Variants in CEP112 observed in about 807,000 individuals in gnomAD.
CEP112 encodes the protein centrosomal protein 112, also known as centrosomal protein of 112 kDa.
A neutral mutation model predicts 153.0 loss-of-function variants in CEP112; 127 were observed. The observed-to-expected ratio is 0.83, with a 90% CI of 0.72 to 0.96. The LOEUF (loss-of-function observed/expected upper bound fraction) is 0.96, where lower values mean the gene tolerates loss of function less well. CEP112 is among the 40% of genes least tolerant of loss of function. The pLI, the probability that CEP112 is intolerant of heterozygous loss-of-function variation, is 0.00. For missense variants in CEP112, 1,089 were observed against 1,101.2 expected, an observed-to-expected ratio of 0.99 and a Z score of 0.16; for synonymous variants, 358 against 374.4, an observed-to-expected ratio of 0.96 and a Z score of 0.51.
intron 24 of CEP112, among the ~76,000 whole-genome samples, chr17:65,648,224 G>A (rs1335761543): frequency 6.6e-6 from 1 of 151,940 alleles, no homozygotes; most frequent in Non-Finnish European, 1.5e-5. Context: ...CAAAGAGAGG[G>A]GCTTCCCTCT....
At chr17:66,158,834 C>G (rs917038104) in intron 4 of CEP112, among the ~76,000 whole-genome samples, 14 of 151,892 alleles carry the variant, frequency 9.2e-5, no homozygotes, top group Non-Finnish European at 1.5e-4. Context: ...TAGCAGAAGA[C>G]AAGAAATAAC....
intron 20 of CEP112, among the ~76,000 whole-genome samples, chr17:65,857,079 T>C (rs914751188): frequency 6.6e-6 from 1 of 152,216 alleles, no homozygotes; most frequent in African/African-American, 2.4e-5. Context: ...GGTTTCCCAG[T>C]GCATATAAAA....
At chr17:65,839,933 A>C (rs777816485) in intron 21 of CEP112, among the ~76,000 whole-genome samples, 1 of 152,076 alleles carries the variant, frequency 6.6e-6, no homozygotes, top group African/African-American at 2.4e-5. Context: ...CAGCGATAAA[A>C]AAAATCTAGG....
chr17:66,105,156 G>A (rs190254667), intron 6 of CEP112, among the ~76,000 whole-genome samples: 12 of 152,174 alleles, frequency 7.9e-5, no homozygotes, highest in African/African-American at 2.9e-4. Context: ...AAGCTGAAGT[G>A]TAGAGTTTTT....
At chr17:66,141,696 T>C (rs1260946099) in intron 4 of CEP112, among the ~76,000 whole-genome samples, 1 of 152,184 alleles carries the variant, frequency 6.6e-6, no homozygotes, top group Non-Finnish European at 1.5e-5. Context: ...TCATCTATCT[T>C]GTCACATATG....
In CEP112 at chr17:65,754,144, G is replaced by A. The variant is rs188660705; in HGVS notation, c.2395-3420C>T. Among the ~76,000 whole-genome samples, 32 of 152,260 alleles carry A rather than the reference G, an allele frequency of 2.1e-4. 1 individual carries two copies. The highest frequency in any genetic ancestry group is 7.7e-4 in the African/African-American group (32 of 41,542). ...GAGAGAGGAAGTGATAAAAGTTAGG[G>A]GGTACTTTATAATTTTAAAAATACT... is the stretch of plus-strand genomic sequence containing the variant. On this transcript the variant is annotated intron_variant, in intron 21 of 26. Transcript: ENST00000535342.
At chr17:65,832,286 T>TA (rs1448858528) in intron 21 of CEP112, among the ~76,000 whole-genome samples, 5 of 151,822 alleles carry the variant, frequency 3.3e-5, no homozygotes, top group African/African-American at 1.2e-4. Flanking sequence ...CTGAAAGACT[T>TA]AGAGAAGCAA....
chr17:66,040,720 T>A (rs890218810), intron 12 of CEP112, among the ~76,000 whole-genome samples: 6 of 152,146 alleles, frequency 3.9e-5, no homozygotes, highest in Non-Finnish European at 8.8e-5. Context: ...AAACTGCTGG[T>A]CTCAGGTGAT....
intron 9 of CEP112, 103 bp from the exon 10 acceptor site, chr17:66,066,980 T>A: frequency 1.5e-6 from 1 of 663,956 alleles, no homozygotes; most frequent in Non-Finnish European, 2.2e-6. Flanking sequence ...ATAGAAAAAG[T>A]GATTTTAACA....
At chr17:66,141,864 G>C (rs956869123) in intron 4 of CEP112, among the ~76,000 whole-genome samples, 13 of 152,116 alleles carry the variant, frequency 8.5e-5, no homozygotes, top group African/African-American at 3.1e-4. Flanking sequence ...ACAGCTTTTT[G>C]AGATCCTGAT....
intron 21 of CEP112, among the ~76,000 whole-genome samples, chr17:65,837,132 T>A (rs1295595105): frequency 6.6e-6 from 1 of 152,186 alleles, no homozygotes; most frequent in East Asian, 1.9e-4. Context: ...TGGAGTGCAG[T>A]GGCGTGATCT....
At chr17:65,880,661 C>A (rs1029149034) in intron 20 of CEP112, among the ~76,000 whole-genome samples, 1 of 152,192 alleles carries the variant, frequency 6.6e-6, no homozygotes, top group South Asian at 2.1e-4. Flanking sequence ...AGAGTTAGAA[C>A]ATAACTGACA....
intron 19 of CEP112, chr17:65,913,740 A>G: frequency 1.0e-6 from 1 of 985,448 alleles, no homozygotes; most frequent in Non-Finnish European, 1.2e-6. Flanking sequence ...AACAGCCAGG[A>G]CTACTGCCTG....
At chr17:65,679,378 G>C (rs9897525) in intron 24 of CEP112, among the ~76,000 whole-genome samples, 1 of 151,680 alleles carries the variant, frequency 6.6e-6, no homozygotes, top group South Asian at 2.1e-4. Context: ...AAACAAACCA[G>C]AATAATAACC....
intron 21 of CEP112, among the ~76,000 whole-genome samples, chr17:65,792,435 C>G (rs2054643572): frequency 6.6e-6 from 1 of 151,924 alleles, no homozygotes. Flanking sequence ...TAGCTGCAAG[C>G]AAGTAATTCG....
intron 23 of CEP112, among the ~76,000 whole-genome samples, chr17:65,738,176 C>A (rs919784906): frequency 6.6e-6 from 1 of 152,146 alleles, no homozygotes; most frequent in African/African-American, 2.4e-5. Flanking sequence ...AATGGCGCCA[C>A]TATGGTAAAA....
chr17:66,136,052 C>G (rs2070422332), intron 4 of CEP112, among the ~76,000 whole-genome samples: 1 of 152,250 alleles, frequency 6.6e-6, no homozygotes, highest in South Asian at 2.1e-4. Context: ...CTCCTGTACT[C>G]CAGGCAAGCA....
rs777326885 is a variant in CEP112, at chr17:65,659,015, C to CAAAAAAAAA, written c.2698-17959_2698-17951dup. ...TGGGTGACAGAGCGAGACTCTGTCTCAAAAAAAAAAAAAAAAAAAAAAAAA... is the reference window on the plus strand; with the variant it reads ...TGGGTGACAGAGCGAGACTCTGTCTCAAAAAAAAAAAAAAAAAAAAAAAAAAAAAAAAAA... On this transcript the variant is annotated intron_variant, in intron 24 of 26. Transcript: ENST00000535342. Among the ~76,000 whole-genome samples the CAAAAAAAAA allele has an allele frequency of 1.2e-3, 65 of 55,578 alleles. 3 individuals carry two copies. The highest frequency in any genetic ancestry group is 3.6e-3 in the African/African-American group (62 of 17,224). The allele number at this position is 55,578 out of a possible 152,430, so 36.5% of individuals were successfully genotyped here.
intron 19 of CEP112, among the ~76,000 whole-genome samples, chr17:65,904,540 T>A (rs1297784922): frequency 6.6e-6 from 1 of 152,216 alleles, no homozygotes; most frequent in Non-Finnish European, 1.5e-5. Flanking sequence ...AAGTAATTTA[T>A]AGATTCAATG....
Sources: allele counts gnomAD v4.1 joint callset (sites outside exome capture counted in the v4.1 genomes callset), GRCh38; gene constraint gnomAD v4.1.1; transcripts MANE v1.5; gene names NCBI Gene and HGNC (gene_info 2026-07-23, HGNC 2026-07-21).